Variants in ZHX3 observed in about 807,000 individuals in gnomAD.
ZHX3 encodes zinc fingers and homeoboxes 3.
In ZHX3, 20 loss-of-function variants were observed where a neutral mutation model predicts 64.5. That is an observed-to-expected ratio of 0.31 (90% CI 0.22 to 0.45). The LOEUF (loss-of-function observed/expected upper bound fraction) is 0.45, where lower values mean the gene tolerates loss of function less well. ZHX3 is among the 20% of genes least tolerant of loss of function. The pLI is 1.00. For missense variants in ZHX3, 1,041 were observed against 1,195.8 expected, an observed-to-expected ratio of 0.87 and a Z score of 1.91; for synonymous variants, 423 against 461.6, an observed-to-expected ratio of 0.92 and a Z score of 1.07.
intron 3 of ZHX3, among the ~76,000 whole-genome samples, chr20:41,189,378 T>C (rs1284639149): frequency 1.3e-5 from 2 of 152,170 alleles, no homozygotes; most frequent in African/African-American, 4.8e-5. Flanking sequence ...TGTGAAAAAA[T>C]CACATTGGTA....
chr20:41,299,668 C>T (rs1259807432), intron 1 of ZHX3, among the ~76,000 whole-genome samples: 2 of 152,080 alleles, frequency 1.3e-5, no homozygotes, highest in Non-Finnish European at 2.9e-5. Context: ...TCGAGACCAG[C>T]TTTGCCAACA....
chr20:41,184,480 A>G lies in ZHX3; in HGVS notation c.*711T>C, dbSNP rs769415637. 2 of 165,942 alleles carry G rather than the reference A, an allele frequency of 1.2e-5. No individual in the cohort carries two copies. Among genetic ancestry groups the G allele is most frequent in the Non-Finnish European group, 2.6e-5 (2 of 76,690 alleles). The allele number at this position is 165,942 out of a possible 1,614,324, so 10.3% of individuals were successfully genotyped here. On this transcript the variant is annotated 3_prime_UTR_variant, in exon 4 of 4. Coordinates refer to ENST00000683867, the MANE Select transcript of ZHX3 (RefSeq NM_001384317.1). ...TACGGTAACAACTAAAGAGAATGGTAAAGCATCCAACGCTAATCACATTGC... is the reference window on the plus strand; with the variant it reads ...TACGGTAACAACTAAAGAGAATGGTGAAGCATCCAACGCTAATCACATTGC...
At chr20:41,258,775 C>T (rs2042401917) in intron 2 of ZHX3, among the ~76,000 whole-genome samples, 1 of 152,106 alleles carries the variant, frequency 6.6e-6, no homozygotes. Context: ...CAATTTATGA[C>T]CTCTTTCTTT....
At chr20:41,194,908 C>T (rs1238477505) in intron 3 of ZHX3, among the ~76,000 whole-genome samples, 1 of 151,884 alleles carries the variant, frequency 6.6e-6, no homozygotes, top group Non-Finnish European at 1.5e-5. Context: ...TGTAACATCC[C>T]CTCTTTCCTT....
chr20:41,279,681 C>A (rs1416958870), intron 1 of ZHX3, among the ~76,000 whole-genome samples: 1 of 152,028 alleles, frequency 6.6e-6, no homozygotes, highest in Non-Finnish European at 1.5e-5. Flanking sequence ...CACAGCAGCA[C>A]AGGATAAACA....
At chr20:41,230,037 GC>G (rs2040500401) in intron 2 of ZHX3, among the ~76,000 whole-genome samples, 1 of 152,096 alleles carries the variant, frequency 6.6e-6, no homozygotes, top group South Asian at 2.1e-4. Flanking sequence ...AAAGGTCTTG[GC>G]ATCCTTGTAA....
At chr20:41,240,057 C>T (rs1027001049) in intron 2 of ZHX3, among the ~76,000 whole-genome samples, 5 of 151,924 alleles carry the variant, frequency 3.3e-5, no homozygotes, top group Middle Eastern at 3.4e-3. Context: ...AGGGCAGTGG[C>T]GCCATCTTGG....
Position 41,184,722 on chromosome 20 carries a change from C to T in ZHX3, c.*469G>A, listed in dbSNP as rs1409598628. 2 of 677,280 alleles carry T rather than the reference C, an allele frequency of 3.0e-6. No homozygotes were observed. The highest frequency in any genetic ancestry group is 2.8e-5 in the East Asian group (1 of 35,394). The allele number at this position is 677,280 out of a possible 1,614,324, so 42.0% of individuals were successfully genotyped here. A position where few individuals can be genotyped will look rare whatever the true frequency, so the allele number is the denominator to read the frequency against. On this transcript the variant is annotated 3_prime_UTR_variant, in exon 4 of 4. Transcript: ENST00000683867. ...CTGCCTGACTGTGGAAGGTGAGGGG[C>T]ACCTGTGACCCAGCAATCCCCAGAG...
Position 41,202,072 on chromosome 20 carries a change from C to G in ZHX3, c.2845G>C (p.Ala949Pro). 6.2e-7 allele frequency: 1 copy of G among 1,601,812 alleles called. No individual in the cohort carries two copies. Among genetic ancestry groups the G allele is most frequent in the South Asian group, 1.1e-5 (1 of 89,070 alleles). ...SEPFDTSSPQ[A>P]GRQLETD The stretch of plus-strand genomic sequence containing the variant: ...GACTCCTTACCGAGCTGACGTCCAG[C>G]CTGGGGACTCGATGTGTCAAAGGGC... Residue 949 changes from alanine (A) to proline (P), a missense_variant, in exon 3 of 4, where the codon GCT becomes CCT. Around this residue, in one of 4 missense-constraint regions of ZHX3, gnomAD observed 649 missense variants for 739.8 expected, o/e 0.88. Coordinates refer to ENST00000683867, the MANE Select transcript of ZHX3 (RefSeq NM_001384317.1). This position sits in a 1 kb window ranked among gnomAD's most constrained non-coding sequence, Gnocchi z 7.0.
intron 1 of ZHX3, among the ~76,000 whole-genome samples, chr20:41,279,471 G>A (rs2146678554): frequency 6.6e-6 from 1 of 151,926 alleles, no homozygotes; most frequent in Non-Finnish European, 1.5e-5. Context: ...ACCACCTCAA[G>A]TTCCTCTTCT....
chr20:41,222,446 A>C (rs1396939570), intron 2 of ZHX3, among the ~76,000 whole-genome samples: 1 of 152,210 alleles, frequency 6.6e-6, no homozygotes, highest in Non-Finnish European at 1.5e-5. Context: ...GTTTGGTCAC[A>C]AGTGTTGTAG....
chr20:41,201,374 T>C lies in ZHX3; in HGVS notation c.2860+683A>G. The C allele has an allele frequency of 7.7e-7, 1 of 1,304,698 alleles. No individual in the cohort carries two copies. The highest frequency in any genetic ancestry group is 1.0e-6 in the Non-Finnish European group (1 of 989,050). 80.8% of individuals were successfully genotyped at this position (1,304,698 alleles called of 1,614,324 possible). A position where few individuals can be genotyped will look rare whatever the true frequency, so the allele number is the denominator to read the frequency against. On this transcript the variant is annotated intron_variant, in intron 3 of 3. Transcript: ENST00000683867. The surrounding 1 kb of genome is among the most constrained non-coding windows in gnomAD (Gnocchi z 5.0). ...GGGAAGGGAGAGGCTGGGAACTCAG[T>C]GACCAGGAACCTAGAAAATCAACAC...
intron 1 of ZHX3, among the ~76,000 whole-genome samples, chr20:41,308,129 A>G (rs754139306): frequency 1.3e-5 from 2 of 152,270 alleles, no homozygotes; most frequent in Non-Finnish European, 2.9e-5. Flanking sequence ...TGATCGGTTG[A>G]GTATTCCTCA....
chr20:41,270,303 G>A (rs1288383155), intron 1 of ZHX3, among the ~76,000 whole-genome samples: 2 of 144,488 alleles, frequency 1.4e-5, no homozygotes, highest in East Asian at 2.1e-4. Context: ...TTGAACCCAG[G>A]AAGCAGCAGT....
chr20:41,205,593 A>G (rs1210236676), intron 2 of ZHX3, among the ~76,000 whole-genome samples: 1 of 152,014 alleles, frequency 6.6e-6, no homozygotes, highest in Admixed American at 6.6e-5. Flanking sequence ...GGCTAGGAAG[A>G]CCGGCTGCTG....
intron 2 of ZHX3, among the ~76,000 whole-genome samples, chr20:41,215,232 G>C (rs573196508): frequency 6.6e-6 from 1 of 152,016 alleles, no homozygotes; most frequent in East Asian, 1.9e-4. Flanking sequence ...ACTCCAGCCT[G>C]GGACACAGAG....
intron 1 of ZHX3, among the ~76,000 whole-genome samples, chr20:41,284,034 C>G (rs2043819264): frequency 1.3e-5 from 2 of 152,100 alleles, no homozygotes; most frequent in African/African-American, 4.8e-5. Flanking sequence ...AAAGGAAAGG[C>G]TATTAAACAA....
chr20:41,305,709 G>C (rs6016540), intron 1 of ZHX3, among the ~76,000 whole-genome samples: 6 of 151,200 alleles, frequency 4.0e-5, no homozygotes, highest in Non-Finnish European at 7.4e-5. Flanking sequence ...GTGTGAACCC[G>C]GGAGGCGGAG....
At chr20:41,215,149 C>G (rs992025809) in intron 2 of ZHX3, among the ~76,000 whole-genome samples, 2 of 152,002 alleles carry the variant, frequency 1.3e-5, no homozygotes, top group Non-Finnish European at 2.9e-5. Context: ...TCCCAGCTAT[C>G]GGGAAGCTGA....
Sources: allele counts gnomAD v4.1 joint callset (sites outside exome capture counted in the v4.1 genomes callset), GRCh38; gene constraint gnomAD v4.1.1; regional missense constraint gnomAD v4.1.1; non-coding constraint Gnocchi (gnomAD v3.1); transcripts MANE v1.5; gene names NCBI Gene and HGNC (gene_info 2026-07-23, HGNC 2026-07-21).